PTPRD: variants seen among roughly 807,000 people sequenced by gnomAD.
PTPRD encodes protein tyrosine phosphatase receptor type D.
A neutral mutation model predicts 214.5 loss-of-function variants in PTPRD; 34 were observed. The ratio of observed to expected loss-of-function variants is 0.16; its 90% CI spans 0.12 to 0.21. PTPRD has a LOEUF of 0.21. Ranked by LOEUF, PTPRD falls within the 10% of genes least tolerant of loss-of-function variation. The pLI, the probability that PTPRD is intolerant of heterozygous loss-of-function variation, is 1.00. For missense variants in PTPRD, 2,545 were observed against 2,398.7 expected (o/e 1.06, Z -1.27); for synonymous variants, 1,128 against 845.7 (o/e 1.33, Z -5.79).
At chr9:9,043,046 G>C (rs1009839712) in intron 10 of PTPRD, among the ~76,000 whole-genome samples, 11 of 152,082 alleles carry the variant, frequency 7.2e-5, no homozygotes, top group Non-Finnish European at 1.5e-4. Flanking sequence ...TTAAAACTTG[G>C]TTCTTTATAG....
chr9:10,525,149 T>A (rs1002585630), intron 2 of PTPRD, among the ~76,000 whole-genome samples: 20 of 152,052 alleles, frequency 1.3e-4, no homozygotes, highest in Non-Finnish European at 2.6e-4. Context: ...TTTATCCAAA[T>A]TATTATTTAA....
chr9:8,611,295 T>C (rs530101839), intron 14 of PTPRD, among the ~76,000 whole-genome samples: 2 of 152,292 alleles, frequency 1.3e-5, no homozygotes, highest in African/African-American at 4.8e-5. Context: ...ATCACAAATA[T>C]TGGTAGGACT....
chr9:10,195,098 A>ATTTTTTTTTTTTTTTTTTTTTTT (rs34900305), intron 3 of PTPRD, among the ~76,000 whole-genome samples: 1 of 97,910 alleles, frequency 1.0e-5, no homozygotes, highest in Non-Finnish European at 1.9e-5. Flanking sequence ...ATACCCGGCT[A>ATTTTTTTTTTTTTTTTTTTTTTT]TTTTTTTTTT....
intron 9 of PTPRD, among the ~76,000 whole-genome samples, chr9:9,244,682 C>T (rs1289519511): frequency 6.6e-6 from 1 of 152,024 alleles, no homozygotes; most frequent in Non-Finnish European, 1.5e-5. Context: ...CCATAAAAAC[C>T]CTAGAAGAAA....
At chr9:9,355,907 G>A (rs539611284) in intron 9 of PTPRD, among the ~76,000 whole-genome samples, 1 of 151,312 alleles carries the variant, frequency 6.6e-6, no homozygotes, top group African/African-American at 2.4e-5. Context: ...TATCACAGAC[G>A]CCAATAGAAA....
intron 3 of PTPRD, among the ~76,000 whole-genome samples, chr9:10,164,501 G>C (rs148722530): frequency 2.0e-5 from 3 of 151,438 alleles, no homozygotes; most frequent in African/African-American, 7.2e-5. Flanking sequence ...TTTTACAAGG[G>C]GCAGTATGGA....
In PTPRD at chr9:9,859,530, T is replaced by A. The variant is rs568688215; in HGVS notation, c.-368+78977A>T. ...GCCAAATTGCACCAAAATAAGTTTA[T>A]AATAATGATTTAGATTCCCACATAA... On this transcript the variant is annotated intron_variant, in intron 5 of 45. Transcript: ENST00000381196. Among the ~76,000 whole-genome samples, 4 of 152,326 alleles carry A rather than the reference T, an allele frequency of 2.6e-5. No homozygotes were observed. In the South Asian group the frequency reaches 8.3e-4, roughly 32 times the overall value.
intron 33 of PTPRD, among the ~76,000 whole-genome samples, chr9:8,452,294 C>T (rs1301241843): frequency 6.6e-6 from 1 of 152,162 alleles, no homozygotes; most frequent in Non-Finnish European, 1.5e-5. Context: ...ATTCTTATCA[C>T]ATTATTTTTA....
intron 7 of PTPRD, among the ~76,000 whole-genome samples, chr9:9,733,939 T>C (rs1024102765): frequency 6.6e-6 from 1 of 152,066 alleles, no homozygotes; most frequent in Non-Finnish European, 1.5e-5. Flanking sequence ...TTTGGAAAAA[T>C]ACACAACTTC....
chr9:9,956,056 G>A (rs991310699), intron 4 of PTPRD, among the ~76,000 whole-genome samples: 3 of 151,966 alleles, frequency 2.0e-5, no homozygotes, highest in Non-Finnish European at 2.9e-5. Context: ...TGTTGATCAC[G>A]TGTTAAATGC....
At chr9:9,487,209 C>G (rs1251828602) in intron 8 of PTPRD, among the ~76,000 whole-genome samples, 1 of 151,860 alleles carries the variant, frequency 6.6e-6, no homozygotes, top group African/African-American at 2.4e-5. Flanking sequence ...ATCCCTCCCC[C>G]TTCCCCCCAC....
chr9:8,346,899 C>G (rs1349012737), intron 39 of PTPRD, among the ~76,000 whole-genome samples: 1 of 152,132 alleles, frequency 6.6e-6, no homozygotes, highest in Non-Finnish European at 1.5e-5. Flanking sequence ...CATGATTGTT[C>G]TGCTGTTGCA....
At chr9:10,111,292 G>A (rs1311187284) in intron 3 of PTPRD, among the ~76,000 whole-genome samples, 1 of 122,488 alleles carries the variant, frequency 8.2e-6, no homozygotes, top group African/African-American at 3.1e-5. Context: ...AGGCTGGAGT[G>A]CAGTGGCGGG....
chr9:9,931,919 C>T (rs1448650604), intron 5 of PTPRD, among the ~76,000 whole-genome samples: 1 of 151,554 alleles, frequency 6.6e-6, no homozygotes. Flanking sequence ...GTCCCTGACC[C>T]CTGACCCCCG....
chr9:8,442,694 T>C (rs1293876226), intron 34 of PTPRD, among the ~76,000 whole-genome samples: 2 of 152,182 alleles, frequency 1.3e-5, no homozygotes, highest in South Asian at 2.1e-4. Flanking sequence ...GTATGCACTA[T>C]TTAGAATTCC....
intron 8 of PTPRD, among the ~76,000 whole-genome samples, chr9:9,516,371 C>A (rs896466033): frequency 2.0e-5 from 3 of 152,058 alleles, no homozygotes; most frequent in Admixed American, 6.6e-5. Flanking sequence ...GTTATGACAG[C>A]CTCTACGTTG....
intron 7 of PTPRD, among the ~76,000 whole-genome samples, chr9:9,585,564 C>G (rs149172558): frequency 0.01 from 1,555 of 152,128 alleles, 23 homozygotes; most frequent in Middle Eastern, 0.041. Flanking sequence ...CACTTTGCTC[C>G]TTGGATTTTT....
At chr9:9,954,099 C>A (rs2093686017) in intron 4 of PTPRD, among the ~76,000 whole-genome samples, 1 of 151,632 alleles carries the variant, frequency 6.6e-6, no homozygotes, top group South Asian at 2.1e-4. Context: ...AGTTTGAGAC[C>A]AGTGGGGCCA....
intron 10 of PTPRD, among the ~76,000 whole-genome samples, chr9:9,158,864 T>C (rs1251204890): frequency 6.6e-6 from 1 of 152,118 alleles, no homozygotes; most frequent in Non-Finnish European, 1.5e-5. Flanking sequence ...TTCACCATGA[T>C]CAAGTGGGAT....
Sources: gnomAD v4.1 joint callset for allele counts (sites outside exome capture counted in the v4.1 genomes callset) on GRCh38, gnomAD v4.1.1 for gene constraint, MANE v1.5 for transcripts, NCBI Gene and HGNC (gene_info 2026-07-23, HGNC 2026-07-21) for gene names.